The following RASGRF2 variants were observed in gnomAD, a reference collection of about 807,000 sequenced individuals.
RASGRF2 encodes the protein Ras protein specific guanine nucleotide releasing factor 2.
In RASGRF2, 76 loss-of-function variants were observed where a neutral mutation model predicts 151.0. The ratio of observed to expected loss-of-function variants is 0.50; its 90% CI spans 0.42 to 0.61. RASGRF2 has a LOEUF of 0.61. Among genes scored for constraint, RASGRF2 ranks in the 20% least tolerant of loss-of-function variants. The pLI is 0.00. For missense variants in RASGRF2, 1,148 were observed against 1,564.6 expected, an observed-to-expected ratio of 0.73 and a Z score of 4.49; for synonymous variants, 504 against 566.5, an observed-to-expected ratio of 0.89 and a Z score of 1.57.
chr5:81,186,144 A>G (rs776279003), intron 18 of RASGRF2, among the ~76,000 whole-genome samples: 12 of 152,222 alleles, frequency 7.9e-5, no homozygotes, highest in Admixed American at 7.2e-4. Context: ...TTTAGCTAAT[A>G]ATGAATAACT....
intron 16 of RASGRF2, among the ~76,000 whole-genome samples, chr5:81,125,075 C>T (rs1286079611): frequency 2.0e-5 from 3 of 152,066 alleles, no homozygotes; most frequent in African/African-American, 4.8e-5. Flanking sequence ...TTAGTAGAGA[C>T]GGGTTTTCAC....
At chr5:81,163,774 A>G (rs1754441571) in intron 17 of RASGRF2, among the ~76,000 whole-genome samples, 4 of 152,174 alleles carry the variant, frequency 2.6e-5, no homozygotes, top group Admixed American at 2.6e-4. Flanking sequence ...TAGACTGGCC[A>G]CTACGCTGGG....
At chr5:81,221,645 G>A (rs112729722) in intron 26 of RASGRF2, among the ~76,000 whole-genome samples, 2,610 of 152,262 alleles carry the variant, frequency 0.017, 72 homozygotes, top group African/African-American at 0.059. Flanking sequence ...GAGCCCAGGA[G>A]TTTGAGCCCA....
At chr5:81,140,497 C>T (rs983064118) in intron 17 of RASGRF2, among the ~76,000 whole-genome samples, 4 of 151,976 alleles carry the variant, frequency 2.6e-5, no homozygotes, top group Non-Finnish European at 5.9e-5. Flanking sequence ...AATTGTGGAA[C>T]TGCAAAGCTG....
At chr5:81,089,527 A>G (rs1752332461) in intron 9 of RASGRF2, among the ~76,000 whole-genome samples, 1 of 152,204 alleles carries the variant, frequency 6.6e-6, no homozygotes, top group Non-Finnish European at 1.5e-5. Flanking sequence ...TTTATTGTAA[A>G]TGGTTTCCCA....
rs115264274 is a variant in RASGRF2, at chr5:80,974,570, A to G, written c.288+13544A>G. Among the ~76,000 whole-genome samples the G allele has an allele frequency of 7.0e-3, 1,064 of 152,300 alleles. 18 individuals carry two copies. Among genetic ancestry groups the G allele is most frequent in the African/African-American group, 0.024 (999 of 41,558 alleles). On this transcript the variant is annotated intron_variant, in intron 1 of 26. Coordinates refer to ENST00000265080, the MANE Select transcript of RASGRF2 (RefSeq NM_006909.3). ...ATTTTCCCCCAGAGGGACACTAGCT[A>G]CTTTTTTAATAATGTAAAGCTAAGA...
intron 12 of RASGRF2, among the ~76,000 whole-genome samples, chr5:81,106,987 G>C (rs1452128255): frequency 6.6e-6 from 1 of 152,084 alleles, no homozygotes; most frequent in Non-Finnish European, 1.5e-5. Flanking sequence ...CATTCTTTGG[G>C]GTCCACTACA....
intron 1 of RASGRF2, among the ~76,000 whole-genome samples, chr5:81,012,108 G>A (rs1341578306): frequency 1.3e-5 from 2 of 152,110 alleles, no homozygotes; most frequent in Non-Finnish European, 2.9e-5. Context: ...CAAACATCAG[G>A]AAAACTGCAA....
intron 17 of RASGRF2, among the ~76,000 whole-genome samples, chr5:81,154,327 T>C (rs1456077928): frequency 6.6e-6 from 1 of 152,198 alleles, no homozygotes; most frequent in Non-Finnish European, 1.5e-5. Flanking sequence ...CATAGCTCAC[T>C]GTAATCTTGA....
intron 1 of RASGRF2, among the ~76,000 whole-genome samples, chr5:81,037,217 A>C (rs1039360552): frequency 6.6e-6 from 1 of 152,228 alleles, no homozygotes; most frequent in Non-Finnish European, 1.5e-5. Flanking sequence ...TTACAGTTCA[A>C]GATGAGATTT....
chr5:80,984,847 ATGAGTT>A (rs1202599136), intron 1 of RASGRF2, among the ~76,000 whole-genome samples: 3 of 152,266 alleles, frequency 2.0e-5, no homozygotes, highest in Admixed American at 1.3e-4. Flanking sequence ...AATGATGGTA[ATGAGTT>A]ATTAGAGAGT....
At chr5:81,197,113 C>A (rs955688899) in intron 18 of RASGRF2, among the ~76,000 whole-genome samples, 5 of 152,156 alleles carry the variant, frequency 3.3e-5, no homozygotes, top group Non-Finnish European at 7.3e-5. Flanking sequence ...TGCTCCTGGG[C>A]CCCAGTGGCT....
intron 18 of RASGRF2, among the ~76,000 whole-genome samples, chr5:81,190,074 C>T (rs1755123735): frequency 6.6e-6 from 1 of 152,208 alleles, no homozygotes. Flanking sequence ...TAGCTGTCGA[C>T]ACTGTCAGCC....
intron 2 of RASGRF2, among the ~76,000 whole-genome samples, chr5:81,056,669 T>A (rs1021419818): frequency 7.9e-5 from 12 of 152,174 alleles, no homozygotes; most frequent in African/African-American, 4.8e-5. Flanking sequence ...CTGAGTTCAA[T>A]TCCTGGATAT....
rs1333410909 is a variant in RASGRF2 at position 81,009,630 on chromosome 5, A to G, written c.289-33247A>G. ...AGTCAAATAAAAAATTGTATATACC[A>G]AGATTTATAAGGAATAATTAAAAAC... On this transcript the variant is annotated intron_variant, in intron 1 of 26. Transcript: ENST00000265080. Among the ~76,000 whole-genome samples the G allele has an allele frequency of 3.9e-5, 6 of 152,354 alleles. No homozygotes were observed. The East Asian group carries it at 1.2e-3, about 29-fold the overall frequency.
intron 23 of RASGRF2, among the ~76,000 whole-genome samples, chr5:81,212,902 G>A (rs766797996): frequency 6.6e-6 from 1 of 152,194 alleles, no homozygotes; most frequent in Non-Finnish European, 1.5e-5. Flanking sequence ...GAGTGAGGGT[G>A]CAAACTCTGT....
intron 26 of RASGRF2, among the ~76,000 whole-genome samples, chr5:81,220,434 C>A (rs1417945919): frequency 6.6e-6 from 1 of 152,194 alleles, no homozygotes; most frequent in Non-Finnish European, 1.5e-5. Context: ...CTATTATTAT[C>A]TTACATTAGT....
chr5:81,040,300 TG>T (rs1175561009), intron 1 of RASGRF2, among the ~76,000 whole-genome samples: 3 of 152,190 alleles, frequency 2.0e-5, no homozygotes, highest in Admixed American at 6.5e-5. Context: ...TGAGCCACCA[TG>T]CTTAATTTAT....
chr5:81,172,781 G>T (rs973864190), intron 17 of RASGRF2, among the ~76,000 whole-genome samples: 1 of 152,130 alleles, frequency 6.6e-6, no homozygotes, highest in Non-Finnish European at 1.5e-5. Flanking sequence ...GCAAGGATTT[G>T]TTTGGGGGCC....
Sources: allele counts gnomAD v4.1 joint callset (sites outside exome capture counted in the v4.1 genomes callset), GRCh38; gene constraint gnomAD v4.1.1; transcripts MANE v1.5; gene names NCBI Gene and HGNC (gene_info 2026-07-23, HGNC 2026-07-21).